HEBP2: variants seen among roughly 807,000 people sequenced by gnomAD.
HEBP2 encodes heme binding protein 2.
Under a neutral mutation model 23.1 loss-of-function variants are expected in HEBP2, and 27 were observed. That is an observed-to-expected ratio of 1.17 (90% CI 0.86 to 1.61). HEBP2 has a LOEUF of 1.61. Ranked by LOEUF, HEBP2 falls within the 40% of genes most tolerant of loss-of-function variation. The pLI, the probability that HEBP2 is intolerant of heterozygous loss-of-function variation, is 0.00. For missense variants in HEBP2, 245 were observed against 253.8 expected, an observed-to-expected ratio of 0.97 and a Z score of 0.24; for synonymous variants, 99 against 95.1, an observed-to-expected ratio of 1.04 and a Z score of -0.24.
At chr6:138,411,529 T>G (rs1331725524) in intron 3 of HEBP2, among the ~76,000 whole-genome samples, 1 of 152,208 alleles carries the variant, frequency 6.6e-6, no homozygotes, top group Non-Finnish European at 1.5e-5. Flanking sequence ...ATTTATGGTC[T>G]CTTTCCTATC....
At chr6:138,411,110 C>T (rs1163459243) in intron 3 of HEBP2, among the ~76,000 whole-genome samples, 2 of 152,184 alleles carry the variant, frequency 1.3e-5, no homozygotes, top group East Asian at 3.8e-4. Context: ...AGTTTTGTTT[C>T]TCAGTGTTTC....
intron 3 of HEBP2, among the ~76,000 whole-genome samples, chr6:138,411,100 A>G (rs1774738576): frequency 6.6e-6 from 1 of 152,228 alleles, no homozygotes; most frequent in East Asian, 1.9e-4. Flanking sequence ...TATTAGGAAA[A>G]GTTTTGTTTC....
chr6:138,410,321 C>G (rs1321085678), intron 3 of HEBP2, among the ~76,000 whole-genome samples: 1 of 152,098 alleles, frequency 6.6e-6, no homozygotes, highest in African/African-American at 2.4e-5. Flanking sequence ...AAACAACACA[C>G]AGTCAGAGAA....
chr6:138,412,736 G>A, intron 3 of HEBP2, 144 bp from the exon 4 acceptor site: 11 of 675,210 alleles, frequency 1.6e-5, no homozygotes, highest in Non-Finnish European at 2.8e-5. Flanking sequence ...TTACAGGTGT[G>A]AGCCACCTCG....
At chr6:138,405,310 T>C (rs1325495991) in intron 2 of HEBP2, 30 bp downstream of exon 2, 2 of 1,613,268 alleles carry the variant, frequency 1.2e-6, no homozygotes, top group Non-Finnish European at 1.7e-6. Flanking sequence ...TAATTATGCA[T>C]ATTGTGAAAG....
Position 138,406,087 on chromosome 6 carries a change from C to A in HEBP2, c.355C>A (p.Pro119Thr), listed in dbSNP as rs1774640137. The change falls in exon 3 of 4, where the codon CCA (proline) becomes ACA (threonine). Residue 119 changes from proline (P) to threonine (T), a missense_variant. Pro to Thr is a conservative substitution (Grantham distance 38). Coordinates refer to ENST00000607197, the MANE Select transcript of HEBP2 (RefSeq NM_014320.3). The stretch of plus-strand genomic sequence containing the variant: ...TATTCCCTCTGAACAGCAATTTGAT[C>A]CACCCAGGCCTTTAGAGTCAGATGT... ...LYIPSEQQFD[P>T]PRPLESDVFI... 6.2e-7 allele frequency: 1 copy of A among 1,613,992 alleles called. No homozygotes were observed. Among genetic ancestry groups the A allele is most frequent in the African/African-American group, 1.3e-5 (1 of 74,926 alleles).
chr6:138,408,009 C>T (rs953015521), intron 3 of HEBP2, among the ~76,000 whole-genome samples: 8 of 152,204 alleles, frequency 5.3e-5, no homozygotes, highest in Non-Finnish European at 1.5e-5. Flanking sequence ...CTGCCCTCCC[C>T]AGGCACTGAA....
At position 138,414,215 on chromosome 6, in the gene HEBP2, C is replaced by G. The variant is rs1562241736; in HGVS notation, c.*1137C>G. ...AGTACCCAGAACAAAAAGCTGCACA[C>G]ACTGCTTGCTGAGCAAGAGAGCACT... is the stretch of plus-strand genomic sequence containing the variant. On this transcript the variant is annotated 3_prime_UTR_variant, in exon 4 of 4. Coordinates refer to ENST00000607197, the MANE Select transcript of HEBP2 (RefSeq NM_014320.3). 1 of 152,292 alleles carries G rather than the reference C, an allele frequency of 6.6e-6. No individual in the cohort carries two copies. The highest frequency in any genetic ancestry group is 6.5e-5 in the Admixed American group (1 of 15,288). 9.4% of individuals were successfully genotyped at this position (152,292 alleles called of 1,614,324 possible). A position where few individuals can be genotyped will look rare whatever the true frequency, so the allele number is the denominator to read the frequency against.
chr6:138,405,412 T>G, intron 2 of HEBP2, 132 bp downstream of exon 2: 2 of 1,158,948 alleles, frequency 1.7e-6, no homozygotes, highest in Non-Finnish European at 2.4e-6. Context: ...TGTCTTGTTT[T>G]CAGACAAGAC....
Position 138,412,932 on chromosome 6 carries a change from TTAGCAA to T in HEBP2, c.473_478del (p.Leu158_Ser160delinsCys). On this transcript the variant is annotated inframe_deletion, in exon 4 of 4. Coordinates refer to ENST00000607197, the MANE Select transcript of HEBP2 (RefSeq NM_014320.3). ...AAAGAATCAAGAACAACTTTTGACA[TTAGCAA>T]GCATTTTAAGGGAAGATGGAAAAGT... 6.2e-7 allele frequency: 1 copy of T among 1,614,160 alleles called. No individual in the cohort carries two copies. The highest frequency in any genetic ancestry group is 8.5e-7 in the Non-Finnish European group (1 of 1,180,018).
In HEBP2 at chr6:138,418,802, A is replaced by C. The variant is rs528872048; in HGVS notation, c.*5724A>C. The C allele has an allele frequency of 6.6e-6, 1 of 152,162 alleles. No homozygotes were observed. The highest frequency in any genetic ancestry group is 1.5e-5 in the Non-Finnish European group (1 of 68,040). The allele number at this position is 152,162 out of a possible 1,614,324, so 9.4% of individuals were successfully genotyped here. A position where few individuals can be genotyped will look rare whatever the true frequency, so the allele number is the denominator to read the frequency against. ...CATTGAAAAACGGGAAAAAAATTGC[A>C]ATCTTCCTGCAAAAACTGGGCAGAA... On this transcript the variant is annotated 3_prime_UTR_variant, in exon 4 of 4. Transcript: ENST00000607197.
In HEBP2 at chr6:138,413,127, A is replaced by G. The variant is rs748731164; in HGVS notation, c.*49A>G. 8 of 1,417,218 alleles carry G rather than the reference A, an allele frequency of 5.6e-6. No homozygotes were observed. Among genetic ancestry groups the G allele is most frequent in the Non-Finnish European group, 8.0e-6 (8 of 1,005,024 alleles). The allele number at this position is 1,417,218 out of a possible 1,614,324, so 87.8% of individuals were successfully genotyped here. On this transcript the variant is annotated 3_prime_UTR_variant, in exon 4 of 4. Coordinates refer to ENST00000607197, the MANE Select transcript of HEBP2 (RefSeq NM_014320.3). ...GTCAGAGGCAAAACATCTGTTTATCATAGACATCAACATGACCTATAAGTA... is the reference window on the plus strand; with the variant it reads ...GTCAGAGGCAAAACATCTGTTTATCGTAGACATCAACATGACCTATAAGTA...
upstream of HEBP2, among the ~76,000 whole-genome samples, chr6:138,403,998 T>C (rs1774582824): frequency 2.0e-5 from 3 of 151,610 alleles, no homozygotes; most frequent in Admixed American, 2.0e-4. Context: ...CGCCACCTCC[T>C]GCCTTTCTCT....
chr6:138,408,001 G>C (rs1774679574), intron 3 of HEBP2, among the ~76,000 whole-genome samples: 1 of 152,158 alleles, frequency 6.6e-6, no homozygotes, highest in Non-Finnish European at 1.5e-5. Context: ...AAATTGTTCT[G>C]CCCTCCCCAG....
chr6:138,405,269 A>G lies in HEBP2; in HGVS notation c.227A>G (p.Lys76Arg). The G allele has an allele frequency of 6.2e-7, 1 of 1,614,182 alleles. No homozygotes were observed. Among genetic ancestry groups the G allele is most frequent in the East Asian group, 2.2e-5 (1 of 44,886 alleles). ...AAACTGAACAGCTACATTCAAGGCA[A>G]AAACGAGAAAGGTAAAAGCAGTTTT... ...FTKLNSYIQGKNEKEMKIKMT... is the reference protein window; with the variant it reads ...FTKLNSYIQGRNEKEMKIKMT... The change falls in exon 2 of 4, where the codon AAA (lysine) becomes AGA (arginine). Residue 76 changes from lysine (K) to arginine (R), a missense_variant. Physicochemically the swap from Lys to Arg is conservative, Grantham distance 26 (BLOSUM62 2). Coordinates refer to ENST00000607197, the MANE Select transcript of HEBP2 (RefSeq NM_014320.3).
chr6:138,406,195 C>G, intron 3 of HEBP2, 44 bp downstream of exon 3: 1 of 1,535,692 alleles, frequency 6.5e-7, no homozygotes, highest in Non-Finnish European at 8.9e-7. Context: ...GCTAGTTTTA[C>G]TTGCGTGCAC....
chr6:138,405,422 C>G, intron 2 of HEBP2, 142 bp downstream of exon 2: 1 of 1,017,856 alleles, frequency 9.8e-7, no homozygotes, highest in Non-Finnish European at 1.4e-6. Context: ...TCAGACAAGA[C>G]TCCTCAGGAC....
At position 138,412,753 on chromosome 6, in the gene HEBP2, C is replaced by G. The variant is rs543567581; in HGVS notation, c.420-127C>G. 33 of 780,590 alleles carry G rather than the reference C, an allele frequency of 4.2e-5. 1 individual carries two copies. In the South Asian group the frequency reaches 5.8e-4, roughly 14 times the overall value. 48.4% of individuals were successfully genotyped at this position (780,590 alleles called of 1,614,324 possible). On this transcript the variant is annotated intron_variant, in intron 3 of 3. Transcript: ENST00000607197. ...ACAGGTGTGAGCCACCTCGCCTGGCCGAGAGGGAGTAACTTTGGAGCTGCA... is the reference window on the plus strand; with the variant it reads ...ACAGGTGTGAGCCACCTCGCCTGGCGGAGAGGGAGTAACTTTGGAGCTGCA...
Position 138,422,150 on chromosome 6 carries a change from C to T in HEBP2, c.*9072C>T, listed in dbSNP as rs892540478. On this transcript the variant is annotated 3_prime_UTR_variant, in exon 4 of 4. Transcript: ENST00000607197. ...TATAATTAGTGTTATGTTGCTTTAT[C>T]TTATCTTTGCATAAATTATGTATTA... The T allele has an allele frequency of 3.3e-5, 5 of 152,092 alleles. No homozygotes were observed. Among genetic ancestry groups the T allele is most frequent in the Admixed American group, 3.3e-4 (5 of 15,270 alleles). The allele number at this position is 152,092 out of a possible 1,614,324, so 9.4% of individuals were successfully genotyped here.
Sources: gnomAD v4.1 joint callset for allele counts (sites outside exome capture counted in the v4.1 genomes callset) on GRCh38, gnomAD v4.1.1 for gene constraint, MANE v1.5 for transcripts, NCBI Gene and HGNC (gene_info 2026-07-23, HGNC 2026-07-21) for gene names.